Variants in VWC2L observed in about 807,000 individuals in gnomAD.
VWC2L encodes von Willebrand factor C domain containing 2 like, also known as von Willebrand factor C domain-containing protein 2-like.
VWC2L carries 10 observed loss-of-function variants against 21.6 expected under a neutral mutation model. The observed-to-expected ratio is 0.46, with a 90% confidence interval of 0.29 to 0.78. The LOEUF is 0.78. Ranked by LOEUF, VWC2L falls within the 30% of genes least tolerant of loss-of-function variation. The pLI is 0.10. For synonymous variants in VWC2L, 96 were observed against 94.3 expected (o/e 1.02, Z -0.10); for missense variants, 209 against 277.1 (o/e 0.75, Z 1.74).
Position 214,578,631 on chromosome 2 carries a change from G to A in VWC2L, c.*2811G>A, listed in dbSNP as rs534207242. On this transcript the variant is annotated 3_prime_UTR_variant, in exon 4 of 4. Coordinates refer to ENST00000312504, the MANE Select transcript of VWC2L (RefSeq NM_001080500.4). Reference sequence around the variant, plus strand: ...CATTGAGAAATTCTTTCCAGACTCTGAACAACAGAGCTCTGGTCTCATCTG... The same window carrying A: ...CATTGAGAAATTCTTTCCAGACTCTAAACAACAGAGCTCTGGTCTCATCTG... 1.3e-5 allele frequency: 2 copies of A among 152,266 alleles called. No homozygotes were observed. The highest frequency in any genetic ancestry group is 1.3e-4 in the Admixed American group (2 of 15,284). The allele number at this position is 152,266 out of a possible 1,614,324, so 9.4% of individuals were successfully genotyped here. A position where few individuals can be genotyped will look rare whatever the true frequency, so the allele number is the denominator to read the frequency against.
chr2:214,448,010 T>C (rs1215882389), intron 3 of VWC2L, among the ~76,000 whole-genome samples: 1 of 152,058 alleles, frequency 6.6e-6, no homozygotes, highest in African/African-American at 2.4e-5. Flanking sequence ...CCTCAAACCC[T>C]GGACTGTGAT....
At chr2:214,503,836 G>A (rs1688929951) in intron 3 of VWC2L, among the ~76,000 whole-genome samples, 1 of 151,946 alleles carries the variant, frequency 6.6e-6, no homozygotes, top group African/African-American at 2.4e-5. Context: ...TATCTTTTCT[G>A]TCCTAATTGA....
intron 3 of VWC2L, among the ~76,000 whole-genome samples, chr2:214,444,948 A>C (rs1012059423): frequency 6.6e-6 from 1 of 152,024 alleles, no homozygotes; most frequent in African/African-American, 2.4e-5. Context: ...TGTTCTGAGA[A>C]TAGGGAAGCT....
At chr2:214,516,381 A>G (rs1689143658) in intron 3 of VWC2L, among the ~76,000 whole-genome samples, 1 of 152,090 alleles carries the variant, frequency 6.6e-6, no homozygotes, top group Non-Finnish European at 1.5e-5. Context: ...AGGAGCTGCT[A>G]TGAGGCTCCT....
At chr2:214,413,260 A>C (rs186369124) in intron 1 of VWC2L, among the ~76,000 whole-genome samples, 143 of 152,064 alleles carry the variant, frequency 9.4e-4, no homozygotes, top group African/African-American at 3.3e-3. Flanking sequence ...TATATTGCAA[A>C]TTTTAATTTA....
chr2:214,500,782 A>G (rs911174489), intron 3 of VWC2L, among the ~76,000 whole-genome samples: 5 of 152,246 alleles, frequency 3.3e-5, no homozygotes, highest in African/African-American at 1.2e-4. Flanking sequence ...GCCCAGGTTC[A>G]GTTATTAAGA....
rs947468753 is a variant in VWC2L at position 214,541,005 on chromosome 2, G to C, written c.521-34667G>C. ...AGCCCAGGTGCACTTTTTTTCTTGA[G>C]ACATGCTAGTTAATTGTTAATACTT... On this transcript the variant is annotated intron_variant, in intron 3 of 3. Transcript: ENST00000312504. 3.9e-5 allele frequency among the ~76,000 whole-genome samples: 6 copies of C among 151,974 alleles called. No homozygotes were observed. In the South Asian group the frequency reaches 8.3e-4, roughly 21 times the overall value.
chr2:214,488,382 G>A (rs549272800), intron 3 of VWC2L, among the ~76,000 whole-genome samples: 9 of 152,284 alleles, frequency 5.9e-5, no homozygotes, highest in Admixed American at 2.6e-4. Flanking sequence ...TAGATTGCTT[G>A]AGCTCAAGAG....
intron 3 of VWC2L, among the ~76,000 whole-genome samples, chr2:214,546,628 G>C (rs1026601803): frequency 6.6e-6 from 1 of 152,080 alleles, no homozygotes; most frequent in African/African-American, 2.4e-5. Context: ...GTATTGTTCA[G>C]GTACCGAGAA....
At chr2:214,539,777 T>C (rs554920056) in intron 3 of VWC2L, among the ~76,000 whole-genome samples, 1 of 152,270 alleles carries the variant, frequency 6.6e-6, no homozygotes, top group East Asian at 1.9e-4. Flanking sequence ...TAAAATAAAT[T>C]ACAGCTCACA....
At chr2:214,475,606 T>A (rs944469005) in intron 3 of VWC2L, among the ~76,000 whole-genome samples, 4 of 152,120 alleles carry the variant, frequency 2.6e-5, no homozygotes, top group African/African-American at 9.7e-5. Context: ...AGACATGACA[T>A]CTGCAATGGA....
intron 2 of VWC2L, among the ~76,000 whole-genome samples, chr2:214,420,700 C>A (rs1208294367): frequency 6.6e-6 from 1 of 152,006 alleles, no homozygotes; most frequent in Non-Finnish European, 1.5e-5. Flanking sequence ...AGTGGAGTCA[C>A]CAGGGGCATT....
intron 3 of VWC2L, among the ~76,000 whole-genome samples, chr2:214,485,201 T>C (rs536110786): frequency 1.5e-4 from 23 of 152,142 alleles, no homozygotes; most frequent in African/African-American, 4.6e-4. Flanking sequence ...ATGCCTGTAG[T>C]CCCACTACTC....
At chr2:214,462,583 TCTTTC>T (rs1703159444) in intron 3 of VWC2L, among the ~76,000 whole-genome samples, 1 of 152,246 alleles carries the variant, frequency 6.6e-6, no homozygotes, top group South Asian at 2.1e-4. Flanking sequence ...CATGTATATT[TCTTTC>T]CTTAGTCTGA....
chr2:214,512,656 C>T (rs948163774), intron 3 of VWC2L, among the ~76,000 whole-genome samples: 1 of 151,998 alleles, frequency 6.6e-6, no homozygotes, highest in Non-Finnish European at 1.5e-5. Context: ...TGTTACAAAC[C>T]AATGACCAAA....
chr2:214,500,370 A>G (rs1189255689), intron 3 of VWC2L, among the ~76,000 whole-genome samples: 2 of 152,194 alleles, frequency 1.3e-5, no homozygotes, highest in African/African-American at 4.8e-5. Flanking sequence ...AGGCTGGTAC[A>G]AGGGCTCTAT....
intron 2 of VWC2L, among the ~76,000 whole-genome samples, chr2:214,433,520 T>C (rs1252185029): frequency 6.6e-6 from 1 of 152,166 alleles, no homozygotes; most frequent in Non-Finnish European, 1.5e-5. Flanking sequence ...AACTTTGGTT[T>C]TACAGGGACA....
chr2:214,567,196 T>TC (rs1239003338), intron 3 of VWC2L, among the ~76,000 whole-genome samples: 1 of 152,152 alleles, frequency 6.6e-6, no homozygotes, highest in Non-Finnish European at 1.5e-5. Context: ...TGAAGTTGTT[T>TC]CCAAGGAGGA....
At chr2:214,452,772 G>A (rs1702994842) in intron 3 of VWC2L, among the ~76,000 whole-genome samples, 1 of 152,010 alleles carries the variant, frequency 6.6e-6, no homozygotes, top group Non-Finnish European at 1.5e-5. Context: ...TTTAATTTTA[G>A]CTTTTCTAGT....
Sources: allele counts gnomAD v4.1 joint callset (sites outside exome capture counted in the v4.1 genomes callset), GRCh38; gene constraint gnomAD v4.1.1; transcripts MANE v1.5; gene names NCBI Gene and HGNC (gene_info 2026-07-23, HGNC 2026-07-21).